The following TBC1D5 variants were observed in gnomAD, a reference collection of about 807,000 sequenced individuals.
TBC1D5 encodes the protein TBC1 domain family member 5.
TBC1D5 carries 75 observed loss-of-function variants against 100.3 expected under a neutral mutation model. The ratio of observed to expected loss-of-function variants is 0.75; its 90% CI spans 0.62 to 0.91. The LOEUF (loss-of-function observed/expected upper bound fraction) is 0.91, where lower values mean the gene tolerates loss of function less well. Among genes scored for constraint, TBC1D5 ranks in the 40% least tolerant of loss-of-function variants. The pLI is 0.00. For synonymous variants in TBC1D5, 323 were observed against 325.6 expected (o/e 0.99, Z 0.09); for missense variants, 910 against 942.4 (o/e 0.97, Z 0.45).
intron 3 of TBC1D5, among the ~76,000 whole-genome samples, chr3:17,476,229 A>G (rs9835988): frequency 0.5 from 76,402 of 151,292 alleles, 21,101 homozygotes; most frequent in African/African-American, 0.71. Flanking sequence ...TTCCTTTTTG[A>G]TATTTGAAAT....
chr3:17,404,857 A>AG lies in TBC1D5; in HGVS notation c.366+14_366+15insC. On this transcript the variant is annotated intron_variant, in intron 6 of 21. Coordinates refer to ENST00000253692, the Ensembl canonical transcript of TBC1D5. ...AAGAAAACAATTACATTAATTAAATATACTATTTACTTACTATTTCTTTAA... is the reference window on the plus strand; with the variant it reads ...AAGAAAACAATTACATTAATTAAATAGTACTATTTACTTACTATTTCTTTAA... The AG allele has an allele frequency of 6.4e-7, 1 of 1,557,470 alleles. No homozygotes were observed. Among genetic ancestry groups the AG allele is most frequent in the East Asian group, 2.3e-5 (1 of 43,816 alleles).
At chr3:17,670,686 G>T (rs563884974) in intron 1 of TBC1D5, among the ~76,000 whole-genome samples, 131 of 152,312 alleles carry the variant, frequency 8.6e-4, no homozygotes, top group Non-Finnish European at 1.6e-3. Context: ...GAATAATAAA[G>T]AAGCTCAATT....
At chr3:17,372,134 A>G (rs373688612) in exon 13 of TBC1D5, 1 of 1,613,638 alleles carries the variant, frequency 6.2e-7, no homozygotes, top group African/African-American at 1.3e-5. Context: ...GCTCAATATC[A>G]TGCTTCTTCA....
At chr3:17,579,387 T>C (rs149880451) in intron 2 of TBC1D5, among the ~76,000 whole-genome samples, 4 of 152,242 alleles carry the variant, frequency 2.6e-5, no homozygotes, top group Admixed American at 2.6e-4. Context: ...CGTATGTTCA[T>C]ATAATCCTCC....
chr3:17,581,456 T>C (rs1400134338), intron 2 of TBC1D5, among the ~76,000 whole-genome samples: 2 of 152,178 alleles, frequency 1.3e-5, no homozygotes, highest in Non-Finnish European at 2.9e-5. Flanking sequence ...CCAACTTATA[T>C]TCAAAACAAA....
At chr3:17,273,808 T>TC (rs1553645536) in intron 15 of TBC1D5, among the ~76,000 whole-genome samples, 7 of 77,884 alleles carry the variant, frequency 9.0e-5, no homozygotes, top group African/African-American at 4.4e-4. Context: ...ACTCTGTATC[T>TC]CAAAAAAAAA....
intron 1 of TBC1D5, among the ~76,000 whole-genome samples, chr3:17,684,378 CT>C (rs1332998836): frequency 6.6e-6 from 1 of 152,012 alleles, no homozygotes; most frequent in Non-Finnish European, 1.5e-5. Context: ...TGAAACCTGT[CT>C]ACAGAGGCCA....
In TBC1D5 at chr3:17,663,844, G is replaced by A. The variant is rs929143531; in HGVS notation, c.-100-39931C>T. On this transcript the variant is annotated intron_variant, in intron 1 of 21. Transcript: ENST00000253692. Reference sequence around the variant, plus strand: ...TATATAGTACATCTATATAATAACAGAATGTTATGCAACTATTAAAAGAGA... The same window carrying A: ...TATATAGTACATCTATATAATAACAAAATGTTATGCAACTATTAAAAGAGA... Among the ~76,000 whole-genome samples the A allele has an allele frequency of 2.0e-5, 3 of 152,162 alleles. No individual in the cohort carries two copies. The East Asian group carries it at 5.8e-4, about 29-fold the overall frequency.
intron 2 of TBC1D5, among the ~76,000 whole-genome samples, chr3:17,591,113 G>A (rs1355587565): frequency 6.6e-6 from 1 of 151,278 alleles, no homozygotes; most frequent in Non-Finnish European, 1.5e-5. Context: ...GCGGGCGCCT[G>A]TAGTCCCAGC....
At chr3:17,483,559 T>G (rs923829047) in intron 3 of TBC1D5, among the ~76,000 whole-genome samples, 15 of 152,270 alleles carry the variant, frequency 9.9e-5, no homozygotes, top group Non-Finnish European at 1.6e-4. Context: ...TTACACTAAG[T>G]TTTTTAATGT....
chr3:17,399,957 T>C (rs2152403108), intron 8 of TBC1D5, among the ~76,000 whole-genome samples: 1 of 152,254 alleles, frequency 6.6e-6, no homozygotes, highest in South Asian at 2.1e-4. Context: ...CTCCAATCAC[T>C]ATTCCTAAAG....
intron 17 of TBC1D5, among the ~76,000 whole-genome samples, chr3:17,217,129 T>C (rs1018515192): frequency 1.2e-4 from 19 of 152,144 alleles, no homozygotes; most frequent in Admixed American, 1.2e-3. Context: ...AGTGATACTA[T>C]ATGTGGTCTT....
intron 3 of TBC1D5, among the ~76,000 whole-genome samples, chr3:17,481,430 G>T (rs930666738): frequency 6.6e-6 from 1 of 152,168 alleles, no homozygotes; most frequent in African/African-American, 2.4e-5. Flanking sequence ...TGCCACAGAG[G>T]TTTCCAGCTG....
intron 1 of TBC1D5, chr3:17,706,165 C>G: frequency 6.3e-7 from 1 of 1,575,332 alleles, no homozygotes; most frequent in Non-Finnish European, 8.6e-7. Flanking sequence ...GGGGAGACAT[C>G]GGCAGGCAGC....
At chr3:17,509,762 C>T (rs144404936) in intron 2 of TBC1D5, among the ~76,000 whole-genome samples, 76 of 152,076 alleles carry the variant, frequency 5.0e-4, no homozygotes, top group African/African-American at 1.4e-3. Context: ...TTTACATGCT[C>T]AAATGTATCT....
At chr3:17,421,869 A>T (rs749704008) in intron 4 of TBC1D5, among the ~76,000 whole-genome samples, 1 of 152,208 alleles carries the variant, frequency 6.6e-6, no homozygotes, top group Non-Finnish European at 1.5e-5. Context: ...ATTCTTAAGA[A>T]CATCTTAACA....
At chr3:17,554,414 A>C (rs1412292637) in intron 2 of TBC1D5, among the ~76,000 whole-genome samples, 2 of 152,210 alleles carry the variant, frequency 1.3e-5, no homozygotes, top group Non-Finnish European at 2.9e-5. Flanking sequence ...TCCTGGGGTG[A>C]AGCTGGTACA....
intron 3 of TBC1D5, among the ~76,000 whole-genome samples, chr3:17,457,318 A>T (rs1045319663): frequency 1.3e-5 from 2 of 152,074 alleles, no homozygotes; most frequent in African/African-American, 2.4e-5. Context: ...CTCCAATTAC[A>T]TGTACCATTT....
intron 19 of TBC1D5, among the ~76,000 whole-genome samples, chr3:17,178,472 A>G (rs1169804374): frequency 1.3e-5 from 2 of 152,142 alleles, no homozygotes; most frequent in East Asian, 1.9e-4. Flanking sequence ...CTAAAAAAAC[A>G]TGGGAGTGCA....
Sources: allele counts gnomAD v4.1 joint callset (sites outside exome capture counted in the v4.1 genomes callset), GRCh38; gene constraint gnomAD v4.1.1; transcripts MANE v1.5; gene names NCBI Gene and HGNC (gene_info 2026-07-23, HGNC 2026-07-21).